ASTN2: variants seen among roughly 807,000 people sequenced by gnomAD.
The protein encoded by ASTN2 is astrotactin 2.
A neutral mutation model predicts 139.8 loss-of-function variants in ASTN2; 54 were observed. The observed-to-expected ratio is 0.39, with a 90% CI of 0.31 to 0.48. ASTN2 has a LOEUF of 0.48. ASTN2 is among the 20% of genes least tolerant of loss of function. The pLI, the probability that ASTN2 is intolerant of heterozygous loss-of-function variation, is 0.95. For missense variants in ASTN2, 1,565 were observed against 1,725.1 expected, an observed-to-expected ratio of 0.91 and a Z score of 1.64; for synonymous variants, 756 against 719.5, an observed-to-expected ratio of 1.05 and a Z score of -0.81.
At chr9:116,950,318 A>T (rs1031770712) in intron 10 of ASTN2, among the ~76,000 whole-genome samples, 2 of 152,152 alleles carry the variant, frequency 1.3e-5, no homozygotes, top group Non-Finnish European at 2.9e-5. Flanking sequence ...CCAGGTTAAG[A>T]ACCATTGTGA....
chr9:117,210,007 A>G (rs1467182118), intron 3 of ASTN2, among the ~76,000 whole-genome samples: 1 of 152,172 alleles, frequency 6.6e-6, no homozygotes, highest in East Asian at 1.9e-4. Flanking sequence ...CCTTGAAACA[A>G]ATGAAAACAG....
At chr9:117,356,029 C>T (rs1054343707) in intron 1 of ASTN2, among the ~76,000 whole-genome samples, 3 of 152,098 alleles carry the variant, frequency 2.0e-5, no homozygotes, top group African/African-American at 7.2e-5. Flanking sequence ...AAACATTTAA[C>T]TTATGCTATC....
chr9:116,527,199 C>A (rs1033940317), intron 19 of ASTN2, among the ~76,000 whole-genome samples: 1 of 151,906 alleles, frequency 6.6e-6, no homozygotes, highest in Non-Finnish European at 1.5e-5. Flanking sequence ...AGGATTGCAT[C>A]AAACTAAAAT....
At chr9:117,194,341 T>G (rs890298008) in intron 3 of ASTN2, among the ~76,000 whole-genome samples, 21 of 152,312 alleles carry the variant, frequency 1.4e-4, no homozygotes, top group African/African-American at 5.1e-4. Flanking sequence ...CTCTGGCACT[T>G]TATTAGCTCC....
rs559664866 is a variant in ASTN2, at chr9:117,105,813, T to A, written c.1169-9662A>T. The stretch of plus-strand genomic sequence containing the variant: ...TGTGACTGAAAAATATATTATCATC[T>A]CACAGATATTGCATAACAGATAATA... On this transcript the variant is annotated intron_variant, in intron 4 of 22. Transcript: ENST00000313400. 7.2e-5 allele frequency among the ~76,000 whole-genome samples: 11 copies of A among 152,284 alleles called. No individual in the cohort carries two copies. The East Asian group carries it at 1.5e-3, about 21-fold the overall frequency.
At chr9:116,852,587 G>T (rs1832637170) in intron 11 of ASTN2, among the ~76,000 whole-genome samples, 2 of 152,050 alleles carry the variant, frequency 1.3e-5, no homozygotes, top group Admixed American at 1.3e-4. Flanking sequence ...CTGGGCTAGT[G>T]GGTCAAGACT....
intron 10 of ASTN2, among the ~76,000 whole-genome samples, chr9:116,934,958 T>C (rs933646763): frequency 2.0e-5 from 3 of 152,166 alleles, no homozygotes; most frequent in Admixed American, 1.3e-4. Flanking sequence ...TGTTTTCCCG[T>C]TCTAGATGTG....
intron 22 of ASTN2, among the ~76,000 whole-genome samples, chr9:116,428,668 AG>A (rs1228441126): frequency 6.6e-6 from 1 of 152,188 alleles, no homozygotes; most frequent in Non-Finnish European, 1.5e-5. Flanking sequence ...CCTAGGAACT[AG>A]GGCAGTGGTT....
At chr9:116,969,431 C>T (rs780872183) in intron 10 of ASTN2, among the ~76,000 whole-genome samples, 1 of 152,156 alleles carries the variant, frequency 6.6e-6, no homozygotes, top group Non-Finnish European at 1.5e-5. Context: ...TATTGCTGTT[C>T]CTCAGTGACA....
chr9:117,292,921 A>AGCCT (rs1279877525), intron 1 of ASTN2, among the ~76,000 whole-genome samples: 1 of 152,160 alleles, frequency 6.6e-6, no homozygotes, highest in African/African-American at 2.4e-5. Context: ...AATGCCCAAT[A>AGCCT]GACTCTCCCT....
chr9:117,402,606 C>G (rs757153813), intron 1 of ASTN2, among the ~76,000 whole-genome samples: 1 of 152,132 alleles, frequency 6.6e-6, no homozygotes, highest in South Asian at 2.1e-4. Flanking sequence ...AAAGGACGCT[C>G]AGTTCACTTT....
At chr9:116,837,439 G>C (rs533789398) in intron 11 of ASTN2, among the ~76,000 whole-genome samples, 46 of 152,246 alleles carry the variant, frequency 3.0e-4, no homozygotes, top group African/African-American at 9.9e-4. Flanking sequence ...AAGATGCCTG[G>C]AGGATTCCCA....
chr9:116,707,780 C>G (rs1828032042), intron 16 of ASTN2, among the ~76,000 whole-genome samples: 1 of 152,118 alleles, frequency 6.6e-6, no homozygotes, highest in Non-Finnish European at 1.5e-5. Flanking sequence ...CCCTTCATAG[C>G]CTTAATATTG....
chr9:117,134,167 A>G (rs1226094898), intron 4 of ASTN2, among the ~76,000 whole-genome samples: 1 of 151,668 alleles, frequency 6.6e-6, no homozygotes, highest in African/African-American at 2.4e-5. Context: ...TCAATATTTA[A>G]GCAGAGCAAC....
chr9:117,106,902 CAT>C (rs1176404361), intron 4 of ASTN2, among the ~76,000 whole-genome samples: 4 of 152,056 alleles, frequency 2.6e-5, no homozygotes, highest in Non-Finnish European at 5.9e-5. Flanking sequence ...TTACATATGT[CAT>C]ATGTGTGTCT....
chr9:117,189,008 G>C (rs1831277653), intron 3 of ASTN2, among the ~76,000 whole-genome samples: 1 of 152,054 alleles, frequency 6.6e-6, no homozygotes, highest in African/African-American at 2.4e-5. Context: ...CATAATTCTA[G>C]TGTCCCCTCC....
chr9:116,924,001 G>C (rs12236758), intron 10 of ASTN2, among the ~76,000 whole-genome samples: 1 of 151,936 alleles, frequency 6.6e-6, no homozygotes, highest in African/African-American at 2.4e-5. Context: ...ACTGGAAAGG[G>C]GTCCCAATCC....
chr9:116,473,019 G>C (rs922255711), intron 20 of ASTN2, among the ~76,000 whole-genome samples: 1 of 151,698 alleles, frequency 6.6e-6, no homozygotes, highest in African/African-American at 2.4e-5. Flanking sequence ...TAGTTTCCTT[G>C]CCTGTAAAAT....
At chr9:117,374,900 T>C (rs781229560) in intron 1 of ASTN2, among the ~76,000 whole-genome samples, 1 of 152,194 alleles carries the variant, frequency 6.6e-6, no homozygotes, top group Non-Finnish European at 1.5e-5. Flanking sequence ...CAACCCAGAA[T>C]TGAAGACCCA....
Sources: allele counts gnomAD v4.1 joint callset (sites outside exome capture counted in the v4.1 genomes callset), GRCh38; gene constraint gnomAD v4.1.1; transcripts MANE v1.5; gene names NCBI Gene and HGNC (gene_info 2026-07-23, HGNC 2026-07-21).